The following GSK3B variants were observed in gnomAD, a reference collection of about 807,000 sequenced individuals.
GSK3B encodes glycogen synthase kinase 3 beta.
In GSK3B, 15 loss-of-function variants were observed where a neutral mutation model predicts 56.4. The observed-to-expected ratio is 0.27, with a 90% confidence interval of 0.18 to 0.41. The LOEUF is 0.41. GSK3B is among the 10% of genes least tolerant of loss of function. The pLI, the probability that GSK3B is intolerant of heterozygous loss-of-function variation, is 1.00. For synonymous variants in GSK3B, 181 were observed against 188.9 expected, an observed-to-expected ratio of 0.96 and a Z score of 0.34; for missense variants, 300 against 513.4, an observed-to-expected ratio of 0.58 and a Z score of 4.02.
At chr3:119,993,482 T>C (rs1244139925) in intron 2 of GSK3B, among the ~76,000 whole-genome samples, 1 of 152,166 alleles carries the variant, frequency 6.6e-6, no homozygotes, top group African/African-American at 2.4e-5. Flanking sequence ...AAATACTTTT[T>C]GAATATAATA....
At chr3:119,846,552 T>G (rs918715220) in intron 9 of GSK3B, among the ~76,000 whole-genome samples, 1 of 152,380 alleles carries the variant, frequency 6.6e-6, no homozygotes, top group East Asian at 1.9e-4. Context: ...TCATCATCGC[T>G]GATTATTAGA....
At chr3:120,060,999 C>A (rs2058231502) in intron 1 of GSK3B, among the ~76,000 whole-genome samples, 1 of 152,158 alleles carries the variant, frequency 6.6e-6, no homozygotes, top group South Asian at 2.1e-4. Context: ...AGGCTTCAAA[C>A]TTTAGATGCT....
At chr3:119,900,615 T>A (rs184158731) in intron 7 of GSK3B, among the ~76,000 whole-genome samples, 35 of 152,276 alleles carry the variant, frequency 2.3e-4, no homozygotes, top group African/African-American at 7.2e-4. Context: ...GGGGGACACC[T>A]GTCATTTATG....
In GSK3B at chr3:119,992,497, AC is replaced by A. The variant is rs1207606334; in HGVS notation, c.282+9548del. Among the ~76,000 whole-genome samples the A allele has an allele frequency of 7.9e-5, 12 of 152,194 alleles. No homozygotes were observed. The South Asian group carries it at 2.5e-3, about 31-fold the overall frequency. On this transcript the variant is annotated intron_variant, in intron 2 of 10. Transcript: ENST00000264235. ...TCAGGGATCTAAATGCAAAAACTGAACCCTGATAACTACTAGAGGAAAATAT... is the reference window on the plus strand; with the variant it reads ...TCAGGGATCTAAATGCAAAAACTGAACCTGATAACTACTAGAGGAAAATAT...
chr3:119,842,422 A>C (rs960629806), intron 10 of GSK3B, among the ~76,000 whole-genome samples: 2 of 152,148 alleles, frequency 1.3e-5, no homozygotes, highest in African/African-American at 4.8e-5. Context: ...AAAATGATTA[A>C]ATATAAGTAT....
At position 119,822,592 on chromosome 3, in the gene GSK3B, G is replaced by A. The variant is rs2055429720; in HGVS notation, c.*4196C>T. The stretch of plus-strand genomic sequence containing the variant: ...TTGTGAAAATAATCCAAACCCCAGG[G>A]ATTACTTTCAAAGCCTCTCAAAGGT... On this transcript the variant is annotated 3_prime_UTR_variant, in exon 11 of 11. Transcript: ENST00000264235. 1.7e-5 allele frequency: 4 copies of A among 229,548 alleles called. No individual in the cohort carries two copies. The South Asian group carries it at 7.3e-4, about 42-fold the overall frequency. The allele number at this position is 229,548 out of a possible 1,614,324, so 14.2% of individuals were successfully genotyped here.
At chr3:119,916,691 C>T (rs1478929550) in intron 4 of GSK3B, among the ~76,000 whole-genome samples, 1 of 152,158 alleles carries the variant, frequency 6.6e-6, no homozygotes, top group Non-Finnish European at 1.5e-5. Flanking sequence ...GTGATTGATA[C>T]AGTGGTCTAG....
At chr3:120,043,638 A>G (rs1462331876) in intron 1 of GSK3B, among the ~76,000 whole-genome samples, 1 of 152,188 alleles carries the variant, frequency 6.6e-6, no homozygotes, top group East Asian at 1.9e-4. Context: ...ACCTCCCCAG[A>G]TGGCTGTACC....
intron 9 of GSK3B, among the ~76,000 whole-genome samples, chr3:119,862,094 T>C (rs2056112217): frequency 6.6e-6 from 1 of 151,984 alleles, no homozygotes; most frequent in Non-Finnish European, 1.5e-5. Context: ...GTCTTCTTTT[T>C]TTTTTTTTAA....
chr3:119,993,806 C>T (rs1457608814), intron 2 of GSK3B, among the ~76,000 whole-genome samples: 1 of 152,186 alleles, frequency 6.6e-6, no homozygotes, highest in East Asian at 1.9e-4. Flanking sequence ...CATGTGCACA[C>T]ACATACACCT....
intron 2 of GSK3B, among the ~76,000 whole-genome samples, chr3:119,986,653 G>C (rs2057519406): frequency 6.6e-6 from 1 of 152,204 alleles, no homozygotes; most frequent in African/African-American, 2.4e-5. Context: ...ACGCCAGTTA[G>C]AATGGCGGTC....
intron 1 of GSK3B, among the ~76,000 whole-genome samples, chr3:120,012,043 G>T (rs533715379): frequency 5.7e-4 from 87 of 152,256 alleles, no homozygotes; most frequent in African/African-American, 1.6e-3. Flanking sequence ...CAGAGTAATA[G>T]GAAGTAAGAG....
intron 2 of GSK3B, among the ~76,000 whole-genome samples, chr3:119,978,681 CCTCT>C (rs375903645): frequency 2.0e-5 from 3 of 150,602 alleles, no homozygotes; most frequent in Admixed American, 1.3e-4. Context: ...TTTTTTTCTT[CCTCT>C]CTCTCTCTCC....
At chr3:119,952,700 C>A (rs889663261) in intron 2 of GSK3B, among the ~76,000 whole-genome samples, 1 of 148,220 alleles carries the variant, frequency 6.7e-6, no homozygotes, top group African/African-American at 2.5e-5. Context: ...CAGGAAAAAA[C>A]GGAAGCTAGA....
chr3:119,901,166 A>T (rs2056621081), intron 7 of GSK3B, among the ~76,000 whole-genome samples: 1 of 151,870 alleles, frequency 6.6e-6, no homozygotes, highest in South Asian at 2.1e-4. Context: ...AAAATATTTT[A>T]TTTTTTCCCA....
chr3:120,006,927 AAGAGAT>A (rs2057733901), intron 1 of GSK3B, among the ~76,000 whole-genome samples: 1 of 152,122 alleles, frequency 6.6e-6, no homozygotes, highest in South Asian at 2.1e-4. Context: ...GCAGAAGTGA[AAGAGAT>A]AGAGACAGAA....
intron 1 of GSK3B, among the ~76,000 whole-genome samples, chr3:120,092,199 A>T (rs1475341145): frequency 1.3e-5 from 2 of 152,196 alleles, no homozygotes; most frequent in Non-Finnish European, 2.9e-5. Flanking sequence ...GATACACTGG[A>T]ACATTAGATA....
At chr3:119,984,599 A>C (rs1000816327) in intron 2 of GSK3B, among the ~76,000 whole-genome samples, 3 of 152,222 alleles carry the variant, frequency 2.0e-5, no homozygotes, top group African/African-American at 7.2e-5. Flanking sequence ...CTATGCAAAT[A>C]AACTAGAAAA....
At chr3:120,009,453 A>C (rs2057760144) in intron 1 of GSK3B, among the ~76,000 whole-genome samples, 1 of 152,202 alleles carries the variant, frequency 6.6e-6, no homozygotes, top group Non-Finnish European at 1.5e-5. Flanking sequence ...TCAGTGATAG[A>C]CTGGATTAAG....
Sources: gnomAD v4.1 joint callset for allele counts (sites outside exome capture counted in the v4.1 genomes callset) on GRCh38, gnomAD v4.1.1 for gene constraint, MANE v1.5 for transcripts, NCBI Gene and HGNC (gene_info 2026-07-23, HGNC 2026-07-21) for gene names.